The following XKR4 variants were observed in gnomAD, a reference collection of about 807,000 sequenced individuals.
XKR4 encodes XK related 4.
Under a neutral mutation model 53.9 loss-of-function variants are expected in XKR4, and 12 were observed. The ratio of observed to expected loss-of-function variants is 0.22; its 90% CI spans 0.14 to 0.36. XKR4 has a LOEUF of 0.36. Among genes scored for constraint, XKR4 ranks in the 10% least tolerant of loss-of-function variants. The pLI, the probability that XKR4 is intolerant of heterozygous loss-of-function variation, is 1.00. For synonymous variants in XKR4, 354 were observed against 362.4 expected, an observed-to-expected ratio of 0.98 and a Z score of 0.26; for missense variants, 799 against 859.5, an observed-to-expected ratio of 0.93 and a Z score of 0.88.
At chr8:55,293,506 T>A (rs1225535515) in intron 1 of XKR4, among the ~76,000 whole-genome samples, 3 of 152,192 alleles carry the variant, frequency 2.0e-5, no homozygotes, top group Non-Finnish European at 4.4e-5. Flanking sequence ...GGGGAAATAA[T>A]TCTAAATGAC....
At chr8:55,292,241 T>C (rs537138068) in intron 1 of XKR4, among the ~76,000 whole-genome samples, 16 of 152,122 alleles carry the variant, frequency 1.1e-4, no homozygotes, top group Non-Finnish European at 1.9e-4. Context: ...GTGTATAGAG[T>C]TTATGTTAAT....
intron 1 of XKR4, among the ~76,000 whole-genome samples, chr8:55,239,436 A>G (rs1416674202): frequency 6.6e-6 from 1 of 152,226 alleles, no homozygotes; most frequent in Non-Finnish European, 1.5e-5. Flanking sequence ...CCTCTTGCTC[A>G]CTGAAAACCA....
chr8:55,349,483 T>C (rs2129383356), intron 1 of XKR4, among the ~76,000 whole-genome samples: 1 of 152,296 alleles, frequency 6.6e-6, no homozygotes, highest in African/African-American at 2.4e-5. Flanking sequence ...CCCTCCAGCT[T>C]CTGCATCCTC....
chr8:55,446,628 C>T (rs1362158068), intron 2 of XKR4, among the ~76,000 whole-genome samples: 1 of 152,126 alleles, frequency 6.6e-6, no homozygotes, highest in African/African-American at 2.4e-5. Flanking sequence ...GGATTACAGG[C>T]GTGAGCTACT....
chr8:55,153,518 A>G (rs7012574), intron 1 of XKR4, among the ~76,000 whole-genome samples: 54,822 of 152,064 alleles, frequency 0.36, 11,185 homozygotes, highest in African/African-American at 0.57. Context: ...TACCTTCACA[A>G]ATATGTGTCC....
chr8:55,339,023 G>A (rs1803504657), intron 1 of XKR4, among the ~76,000 whole-genome samples: 1 of 152,186 alleles, frequency 6.6e-6, no homozygotes, highest in African/African-American at 2.4e-5. Flanking sequence ...AGGCTGTTCA[G>A]AATGAAATAG....
chr8:55,282,564 A>AC (rs1818857850), intron 1 of XKR4, among the ~76,000 whole-genome samples: 1 of 152,182 alleles, frequency 6.6e-6, no homozygotes, highest in South Asian at 2.1e-4. Flanking sequence ...TGAATCAACC[A>AC]GTTCTCCTGT....
At chr8:55,250,393 G>A (rs1221288215) in intron 1 of XKR4, among the ~76,000 whole-genome samples, 1 of 152,196 alleles carries the variant, frequency 6.6e-6, no homozygotes, top group Non-Finnish European at 1.5e-5. Flanking sequence ...AGGTCATACA[G>A]TGCTCCTTTG....
chr8:55,208,757 A>T (rs570825460), intron 1 of XKR4, among the ~76,000 whole-genome samples: 2 of 152,042 alleles, frequency 1.3e-5, no homozygotes, highest in Admixed American at 6.6e-5. Context: ...GAGCCACCAC[A>T]CCCAGCCTAG....
At chr8:55,321,464 G>T (rs138504464) in intron 1 of XKR4, among the ~76,000 whole-genome samples, 2 of 152,106 alleles carry the variant, frequency 1.3e-5, no homozygotes, top group Non-Finnish European at 2.9e-5. Context: ...CTCACGGAGG[G>T]TGTTACTGAG....
At chr8:55,146,262 T>A (rs961662847) in intron 1 of XKR4, among the ~76,000 whole-genome samples, 1 of 152,110 alleles carries the variant, frequency 6.6e-6, no homozygotes, top group East Asian at 1.9e-4. Context: ...ACCGCTGACA[T>A]GAGCTTGGCA....
rs576976551 is a variant in XKR4, at chr8:55,126,169, C to T, written c.806+22875C>T. 1.6e-3 allele frequency among the ~76,000 whole-genome samples: 239 copies of T among 152,284 alleles called. 1 individual carries two copies. The highest frequency in any genetic ancestry group is 3.4e-3 in the Middle Eastern group (1 of 294). ...AGGAGGAAAGAAAAAAAAGTTTCAG[C>T]CCTTTCATGCAGCTAGAGAACCCAT... On this transcript the variant is annotated intron_variant, in intron 1 of 2. Coordinates refer to ENST00000327381, the MANE Select transcript of XKR4 (RefSeq NM_052898.2).
rs114012009 is a variant in XKR4 at position 55,495,295 on chromosome 8, C to T, written c.1007-27986C>T. Among the ~76,000 whole-genome samples, 512 of 152,262 alleles carry T rather than the reference C, an allele frequency of 3.4e-3. 4 individuals carry two copies. The highest frequency in any genetic ancestry group is 0.012 in the African/African-American group (489 of 41,548). On this transcript the variant is annotated intron_variant, in intron 2 of 2. Transcript: ENST00000327381. ...TGCAGGTAGCGAGGGCCTTCCTGGA[C>T]CCCCAAGAGCACAGAGATGCCTGGG...
chr8:55,417,242 G>A (rs769278331), intron 2 of XKR4, among the ~76,000 whole-genome samples: 16 of 152,236 alleles, frequency 1.1e-4, no homozygotes, highest in Non-Finnish European at 2.2e-4. Flanking sequence ...CAAGCGGGCA[G>A]TTTAGGAATG....
At chr8:55,121,074 T>C (rs1816384644) in intron 1 of XKR4, among the ~76,000 whole-genome samples, 1 of 152,252 alleles carries the variant, frequency 6.6e-6, no homozygotes. Context: ...TGAATAATAT[T>C]CTGTTGTCTG....
At chr8:55,111,109 G>A (rs1484049879) in intron 1 of XKR4, among the ~76,000 whole-genome samples, 3 of 152,084 alleles carry the variant, frequency 2.0e-5, no homozygotes, top group Non-Finnish European at 4.4e-5. Flanking sequence ...TAAATATGGG[G>A]TATCAGAAGA....
rs184022200 is a variant in XKR4 at position 55,159,396 on chromosome 8, A to G, written c.806+56102A>G. Among the ~76,000 whole-genome samples, 32 of 152,354 alleles carry G rather than the reference A, an allele frequency of 2.1e-4. No homozygotes were observed. In the East Asian group the frequency reaches 6.0e-3, roughly 28 times the overall value. On this transcript the variant is annotated intron_variant, in intron 1 of 2. Coordinates refer to ENST00000327381, the MANE Select transcript of XKR4 (RefSeq NM_052898.2). Reference sequence around the variant, plus strand: ...AGACAAGACAAATACTAAGCAAAATAAATGAGTCAAGTATACACACACACA... The same window carrying G: ...AGACAAGACAAATACTAAGCAAAATGAATGAGTCAAGTATACACACACACA...
intron 1 of XKR4, among the ~76,000 whole-genome samples, chr8:55,344,189 C>A (rs1279473666): frequency 2.0e-5 from 3 of 152,156 alleles, no homozygotes; most frequent in African/African-American, 7.2e-5. Flanking sequence ...GGGTCAGGCA[C>A]CCTAGGCCTA....
At chr8:55,159,610 G>A (rs781449865) in intron 1 of XKR4, among the ~76,000 whole-genome samples, 2 of 152,160 alleles carry the variant, frequency 1.3e-5, no homozygotes, top group African/African-American at 2.4e-5. Context: ...GTGAGTAAGT[G>A]AGAACATGGG....
Sources: gnomAD v4.1 joint callset for allele counts (sites outside exome capture counted in the v4.1 genomes callset) on GRCh38, gnomAD v4.1.1 for gene constraint, MANE v1.5 for transcripts, NCBI Gene and HGNC (gene_info 2026-07-23, HGNC 2026-07-21) for gene names.